Variants in MYOF observed in about 807,000 individuals in gnomAD.
MYOF encodes fer-1-like 3, myoferlin.
A neutral mutation model predicts 284.2 loss-of-function variants in MYOF; 244 were observed. The observed-to-expected ratio is 0.86, with a 90% CI of 0.77 to 0.95. The LOEUF (loss-of-function observed/expected upper bound fraction) is 0.95, where lower values mean the gene tolerates loss of function less well. Ranked by LOEUF, MYOF falls within the 40% of genes least tolerant of loss-of-function variation. The pLI, the probability that MYOF is intolerant of heterozygous loss-of-function variation, is 0.00. For missense variants in MYOF, 2,496 were observed against 2,560.6 expected, an observed-to-expected ratio of 0.97 and a Z score of 0.54; for synonymous variants, 904 against 919.7, an observed-to-expected ratio of 0.98 and a Z score of 0.31.
chr10:93,388,007 CT>C (rs1846480369), intron 18 of MYOF, 94 bp from the exon 19 acceptor site: 3 of 944,908 alleles, frequency 3.2e-6, no homozygotes, highest in African/African-American at 1.6e-5. Flanking sequence ...CAAAAAGTTT[CT>C]CCTTCCCATG....
intron 24 of MYOF, among the ~76,000 whole-genome samples, 185 bp from the exon 25 acceptor site, chr10:93,369,961 G>C (rs895386527): frequency 3.3e-5 from 5 of 152,222 alleles, no homozygotes; most frequent in African/African-American, 1.2e-4. Flanking sequence ...TAAAGCAGCA[G>C]ATCTCACAGT....
intron 1 of MYOF, among the ~76,000 whole-genome samples, chr10:93,464,010 A>AT (rs2056947070): frequency 6.6e-6 from 1 of 151,754 alleles, no homozygotes; most frequent in African/African-American, 2.4e-5. Flanking sequence ...TTGGTCAAAC[A>AT]TAAGTCCAGA....
intron 5 of MYOF, among the ~76,000 whole-genome samples, chr10:93,419,608 G>A (rs1044657842): frequency 2.0e-5 from 3 of 152,200 alleles, no homozygotes; most frequent in Non-Finnish European, 2.9e-5. Flanking sequence ...TGAATACAGA[G>A]TTGCAATACA....
At chr10:93,354,703 T>TCTCTCTCTCTCTCTCTG (rs1243618498) in intron 31 of MYOF, among the ~76,000 whole-genome samples, 1 of 70,662 alleles carries the variant, frequency 1.4e-5, no homozygotes. Context: ...CTCTCTCTCT[T>TCTCTCTCTCTCTCTCTG]TGTGAGATAG....
In MYOF at chr10:93,451,947, T is replaced by G. The variant is rs1022758878; in HGVS notation, c.236+103A>C. On this transcript the variant is annotated intron_variant, in intron 3 of 53. Coordinates refer to ENST00000359263, the MANE Select transcript of MYOF (RefSeq NM_013451.4). ...GCATGGAATTAAAGCACATTTATAT[T>G]GGAAGTATTATAATACGTTATTAAA... The G allele has an allele frequency of 7.0e-6, 6 of 852,656 alleles. No individual in the cohort carries two copies. The African/African-American group carries it at 1.0e-4, about 15-fold the overall frequency. The allele number at this position is 852,656 out of a possible 1,614,324, so 52.8% of individuals were successfully genotyped here.
chr10:93,378,669 ATGTGTGTGTGTATG>A (rs1845955852), intron 21 of MYOF, among the ~76,000 whole-genome samples: 1 of 107,050 alleles, frequency 9.3e-6, no homozygotes, highest in South Asian at 3.6e-4. Flanking sequence ...ATATGTGTAT[ATGTGTGTGTGTATG>A]TGTGTGTGTG....
At chr10:93,333,612 A>T in intron 42 of MYOF, 146 bp downstream of exon 42, 1 of 1,126,972 alleles carries the variant, frequency 8.9e-7, no homozygotes, top group Non-Finnish European at 1.3e-6. Context: ...CCCCATGGGG[A>T]CAATCCTCCT....
chr10:93,338,812 C>G (rs907848772), intron 39 of MYOF, among the ~76,000 whole-genome samples: 13 of 151,930 alleles, frequency 8.6e-5, no homozygotes, highest in African/African-American at 3.1e-4. Context: ...GTCAGAGTCA[C>G]TTGTGGAATA....
intron 3 of MYOF, among the ~76,000 whole-genome samples, chr10:93,443,776 G>A (rs1589578600): frequency 6.6e-6 from 1 of 152,150 alleles, no homozygotes; most frequent in African/African-American, 2.4e-5. Flanking sequence ...AGTTGTGTCA[G>A]GTGGGAGGGT....
intron 51 of MYOF, 123 bp downstream of exon 51, chr10:93,312,897 A>C (rs1483723502): frequency 3.9e-6 from 4 of 1,038,564 alleles, no homozygotes; most frequent in Non-Finnish European, 4.1e-6. Context: ...TGTTCCCATA[A>C]CTTAAACTCC....
chr10:93,401,189 G>T (rs1041778370), intron 12 of MYOF, among the ~76,000 whole-genome samples: 1 of 152,128 alleles, frequency 6.6e-6, no homozygotes, highest in East Asian at 1.9e-4. Context: ...AGTCAAATGG[G>T]CCAAAGGCAG....
chr10:93,339,952 G>T (rs1464852664), intron 39 of MYOF, among the ~76,000 whole-genome samples: 1 of 152,104 alleles, frequency 6.6e-6, no homozygotes, highest in Non-Finnish European at 1.5e-5. Flanking sequence ...GGTGGTGGGC[G>T]CCTGTAGTTC....
At position 93,329,809 on chromosome 10, in the gene MYOF, G is replaced by A; in HGVS notation, c.4837C>T (p.Pro1613Ser). Reference protein sequence around the residue: ...GRMYELSCYLPQEKDLKISVY... With the variant: ...GRMYELSCYLSQEKDLKISVY... ...GAAATTTTCAGGTCTTTTTCTTGAG[G>A]TAAGTAGCAGCTCAGTTCGTACATC... is the stretch of plus-strand genomic sequence containing the variant. Residue 1613 changes from proline to serine, a missense_variant, in exon 44 of 54, where the codon CCT becomes TCT. Coordinates refer to ENST00000359263, the MANE Select transcript of MYOF (RefSeq NM_013451.4). The A allele has an allele frequency of 6.2e-7, 1 of 1,614,186 alleles. No individual in the cohort carries two copies. Among genetic ancestry groups the A allele is most frequent in the East Asian group, 2.2e-5 (1 of 44,886 alleles).
chr10:93,314,187 C>G (rs1212562870), intron 50 of MYOF, among the ~76,000 whole-genome samples: 2 of 152,156 alleles, frequency 1.3e-5, no homozygotes, highest in African/African-American at 4.8e-5. Flanking sequence ...CTACTGGGTT[C>G]AAGCGATTCT....
intron 5 of MYOF, among the ~76,000 whole-genome samples, chr10:93,414,268 G>A (rs1358347575): frequency 1.3e-5 from 2 of 152,030 alleles, no homozygotes; most frequent in African/African-American, 2.4e-5. Context: ...CAGGTTTGGC[G>A]GCTCACACCT....
At chr10:93,320,729 G>A (rs1416662611) in intron 48 of MYOF, among the ~76,000 whole-genome samples, 1 of 152,262 alleles carries the variant, frequency 6.6e-6, no homozygotes, top group Non-Finnish European at 1.5e-5. Flanking sequence ...TTGCTACTGG[G>A]AAGACTTCTA....
At chr10:93,422,991 C>T (rs1450123900) in intron 5 of MYOF, among the ~76,000 whole-genome samples, 2 of 152,012 alleles carry the variant, frequency 1.3e-5, no homozygotes, top group African/African-American at 4.8e-5. Flanking sequence ...ATGGAATCAA[C>T]ATATGAAATT....
chr10:93,465,112 A>T (rs1056350899), intron 1 of MYOF, among the ~76,000 whole-genome samples: 2 of 152,230 alleles, frequency 1.3e-5, no homozygotes, highest in Non-Finnish European at 2.9e-5. Flanking sequence ...AAATTCTATT[A>T]TGATCATTCC....
chr10:93,417,016 G>T (rs1848158756), intron 5 of MYOF, among the ~76,000 whole-genome samples: 1 of 152,198 alleles, frequency 6.6e-6, no homozygotes, highest in Non-Finnish European at 1.5e-5. Context: ...GAGGTTAAGT[G>T]ACATGCCTAC....
Sources: allele counts gnomAD v4.1 joint callset (sites outside exome capture counted in the v4.1 genomes callset), GRCh38; gene constraint gnomAD v4.1.1; transcripts MANE v1.5; gene names NCBI Gene and HGNC (gene_info 2026-07-23, HGNC 2026-07-21).